Variants in CNBD2 observed in about 807,000 individuals in gnomAD.
CNBD2 encodes cyclic nucleotide binding domain containing 2.
In CNBD2, 64 loss-of-function variants were observed where a neutral mutation model predicts 63.7. The ratio of observed to expected loss-of-function variants is 1.00; its 90% CI spans 0.82 to 1.24. The LOEUF is 1.24. CNBD2 is among the 50% of genes most tolerant of loss of function. CNBD2 has a pLI of 0.00. For synonymous variants in CNBD2, 229 were observed against 255.4 expected, an observed-to-expected ratio of 0.90 and a Z score of 0.99; for missense variants, 691 against 713.5, an observed-to-expected ratio of 0.97 and a Z score of 0.36.
At chr20:35,985,924 C>T (rs2056661823) in intron 6 of CNBD2, among the ~76,000 whole-genome samples, 1 of 152,160 alleles carries the variant, frequency 6.6e-6, no homozygotes, top group Non-Finnish European at 1.5e-5. Context: ...CACTGCCAGA[C>T]ACATGCAGGT....
At chr20:36,023,252 C>T (rs950968498) in intron 10 of CNBD2, among the ~76,000 whole-genome samples, 4 of 152,086 alleles carry the variant, frequency 2.6e-5, no homozygotes, top group East Asian at 1.9e-4. Context: ...AGGCTGGGCA[C>T]GGTGGCTCAC....
In CNBD2 at chr20:35,968,766, A is replaced by G. The variant is rs889587036; in HGVS notation, c.4A>G (p.Arg2Gly). The change falls in exon 1 of 12, where the codon AGG becomes GGG. Residue 2 changes from arginine to glycine, a missense_variant. By Grantham distance (125) the Arg-to-Gly change is moderately radical. Transcript: ENST00000373973. ...GCCATTTGCCTGCACAGGAACCATG[A>G]GGAGACATATGGTAACTTATGCCTG... Reference protein sequence around the residue: MRRHMVTYAWQL... With the variant: MGRHMVTYAWQL... The G allele has an allele frequency of 1.2e-6, 2 of 1,608,266 alleles. No individual in the cohort carries two copies. The highest frequency in any genetic ancestry group is 3.4e-5 in the Admixed American group (2 of 59,228).
intron 10 of CNBD2, among the ~76,000 whole-genome samples, chr20:36,017,006 C>T (rs1013381154): frequency 3.3e-5 from 5 of 149,962 alleles, no homozygotes; most frequent in African/African-American, 1.2e-4. Flanking sequence ...CTGCAGTGAG[C>T]CATGATTGTG....
At chr20:35,972,186 C>T (rs1213005037) in intron 1 of CNBD2, among the ~76,000 whole-genome samples, 2 of 152,192 alleles carry the variant, frequency 1.3e-5, no homozygotes, top group African/African-American at 2.4e-5. Context: ...CTTGTGGGCC[C>T]TTCCTTCATC....
At chr20:36,004,576 T>TC (rs931540391) in intron 8 of CNBD2, among the ~76,000 whole-genome samples, 3 of 152,118 alleles carry the variant, frequency 2.0e-5, no homozygotes, top group African/African-American at 7.2e-5. Context: ...AATGTCTTTT[T>TC]TTTTTTTTGA....
intron 8 of CNBD2, among the ~76,000 whole-genome samples, chr20:36,004,890 A>G (rs1469519076): frequency 6.6e-6 from 1 of 152,090 alleles, no homozygotes; most frequent in South Asian, 2.1e-4. Flanking sequence ...AATTTTTTCC[A>G]TAAATGTTGT....
chr20:36,023,507 C>A, intron 10 of CNBD2, 95 bp from the exon 11 acceptor site: 1 of 1,181,494 alleles, frequency 8.5e-7, no homozygotes, highest in Admixed American at 2.7e-5. Context: ...CAGCGAAACT[C>A]CGTCTCAAAA....
intron 2 of CNBD2, chr20:35,975,102 C>G (rs1160767187): frequency 7.2e-6 from 1 of 138,218 alleles, no homozygotes; most frequent in Non-Finnish European, 1.5e-5. Context: ...CCCGGGTTCA[C>G]GCCATTCTCC....
intron 8 of CNBD2, among the ~76,000 whole-genome samples, chr20:36,006,275 G>A (rs971211924): frequency 2.0e-5 from 3 of 151,724 alleles, no homozygotes; most frequent in Non-Finnish European, 4.4e-5. Context: ...TGATCTGCCC[G>A]CCTCGGCCTC....
upstream of CNBD2, chr20:35,954,622 G>T: frequency 7.5e-7 from 1 of 1,339,460 alleles, no homozygotes; most frequent in Admixed American, 2.7e-5. Context: ...GGCGAGCTGC[G>T]CGTGGCCTGG....
downstream of CNBD2, among the ~76,000 whole-genome samples, chr20:35,956,653 C>T (rs2147160138): frequency 6.6e-6 from 1 of 152,320 alleles, no homozygotes; most frequent in Middle Eastern, 3.4e-3. Context: ...TGTCTGGCCC[C>T]TCAGTAGTTG....
At chr20:36,016,344 T>C (rs753879125) in intron 10 of CNBD2, among the ~76,000 whole-genome samples, 4 of 152,190 alleles carry the variant, frequency 2.6e-5, no homozygotes, top group Non-Finnish European at 5.9e-5. Flanking sequence ...AAGCAACTCA[T>C]TGACTTTAGC....
intron 10 of CNBD2, among the ~76,000 whole-genome samples, chr20:36,021,938 C>G (rs920753720): frequency 7.7e-6 from 1 of 129,344 alleles, no homozygotes; most frequent in Non-Finnish European, 1.5e-5. Context: ...GAAACAGAGG[C>G]CTGCAGGAAA....
Position 35,968,786 on chromosome 20 carries a change from T to C in CNBD2, c.24T>C (p.Tyr8=), listed in dbSNP as rs138019065. 11 of 1,609,116 alleles carry C rather than the reference T, an allele frequency of 6.8e-6. No homozygotes were observed. Among genetic ancestry groups the C allele is most frequent in the African/African-American group, 2.7e-5 (2 of 74,920 alleles). ...CCATGAGGAGACATATGGTAACTTA[T>C]GCCTGGCAGCTCCTGAAGAAGGAAC... MRRHMVT[Y]AWQLLKKELG... is the part of the protein sequence containing the mutation. The change falls in exon 1 of 12, where the codon TAT becomes TAC. Residue 8 remains tyrosine, a synonymous_variant. Transcript: ENST00000373973.
intron 7 of CNBD2, 115 bp from the exon 8 acceptor site, chr20:35,994,923 T>G: frequency 2.9e-6 from 2 of 680,026 alleles, no homozygotes; most frequent in Non-Finnish European, 5.1e-6. Context: ...ACCACTTGCA[T>G]TAAGCAAATA....
chr20:36,005,575 A>G (rs2056972742), intron 8 of CNBD2, among the ~76,000 whole-genome samples: 1 of 152,122 alleles, frequency 6.6e-6, no homozygotes, highest in Non-Finnish European at 1.5e-5. Flanking sequence ...TGCCTTTCCG[A>G]AAGATCAAAC....
Position 36,023,617 on chromosome 20 carries a change from T to G in CNBD2, c.1285T>G (p.Phe429Val), listed in dbSNP as rs1410262216. Residue 429 changes from phenylalanine to valine, a missense_variant, in exon 11 of 12, where the codon TTC (phenylalanine) becomes GTC (valine). Phe to Val is a conservative substitution (Grantham distance 50). Coordinates refer to ENST00000373973, the MANE Select transcript of CNBD2 (RefSeq NM_001365709.1). ...TTCTCCCGAGGGTCTTCACCAGGCC[T>G]TCCTTCCAGAGGGTGAATGCGACAC... Reference protein sequence around the residue: ...QGEILGLHQAFLPEGECDTRP... With the variant: ...QGEILGLHQAVLPEGECDTRP... 1 of 1,601,998 alleles carries G rather than the reference T, an allele frequency of 6.2e-7. No individual in the cohort carries two copies. Among genetic ancestry groups the G allele is most frequent in the Middle Eastern group, 1.7e-4 (1 of 6,014 alleles).
chr20:35,954,449 T>C, upstream of CNBD2: 1 of 1,549,048 alleles, frequency 6.5e-7, no homozygotes, highest in Non-Finnish European at 8.7e-7. Flanking sequence ...GGAGCTTACC[T>C]GCACCAGCGA....
chr20:35,980,292 C>T (rs984283473), intron 3 of CNBD2, among the ~76,000 whole-genome samples, 167 bp from the exon 4 acceptor site: 2 of 151,994 alleles, frequency 1.3e-5, no homozygotes, highest in African/African-American at 2.4e-5. Context: ...GTGAGATGGG[C>T]GTGTAAAATG....
Sources: allele counts gnomAD v4.1 joint callset (sites outside exome capture counted in the v4.1 genomes callset), GRCh38; gene constraint gnomAD v4.1.1; transcripts MANE v1.5; gene names NCBI Gene and HGNC (gene_info 2026-07-23, HGNC 2026-07-21).